AGBL1: variants seen among roughly 807,000 people sequenced by gnomAD.
AGBL1 encodes cytosolic carboxypeptidase 4.
AGBL1 carries 130 observed loss-of-function variants against 118.9 expected under a neutral mutation model. That is an observed-to-expected ratio of 1.09 (90% CI 0.95 to 1.26). The LOEUF (loss-of-function observed/expected upper bound fraction) is 1.26. Among genes scored for constraint, AGBL1 ranks in the 50% most tolerant of loss-of-function variants. The probability of loss-of-function intolerance (pLI) is 0.00; values close to 1 mark genes in which losing one functional copy is unlikely to be tolerated. For missense variants in AGBL1, 1,584 were observed against 1,298.1 expected (o/e 1.22, Z -3.38); for synonymous variants, 555 against 478.9 (o/e 1.16, Z -2.08).
chr15:86,403,399 A>G (rs922219669), intron 18 of AGBL1, among the ~76,000 whole-genome samples: 2 of 152,222 alleles, frequency 1.3e-5, no homozygotes, highest in Admixed American at 6.5e-5. Context: ...ATAAGTAAAT[A>G]CACCAAGGTA....
intron 9 of AGBL1, among the ~76,000 whole-genome samples, chr15:86,259,856 G>A (rs1190816719): frequency 6.6e-6 from 1 of 152,240 alleles, no homozygotes; most frequent in Non-Finnish European, 1.5e-5. Context: ...TCATGTATCT[G>A]ATGGGGAGGG....
intron 17 of AGBL1, among the ~76,000 whole-genome samples, chr15:86,315,762 C>G (rs1365749657): frequency 6.6e-6 from 1 of 150,496 alleles, no homozygotes; most frequent in African/African-American, 2.4e-5. Flanking sequence ...GTGCTAGGCA[C>G]ACAGTAGATG....
chr15:86,161,817 C>T (rs2077270043), intron 5 of AGBL1, among the ~76,000 whole-genome samples: 1 of 152,208 alleles, frequency 6.6e-6, no homozygotes, highest in South Asian at 2.1e-4. Context: ...AAGACCTGCT[C>T]TGTAAGCCTC....
chr15:86,205,224 G>T (rs2077972572), intron 5 of AGBL1, among the ~76,000 whole-genome samples: 1 of 152,094 alleles, frequency 6.6e-6, no homozygotes, highest in Non-Finnish European at 1.5e-5. Flanking sequence ...TTTCAGATTG[G>T]CTGCATTCAC....
intron 21 of AGBL1, among the ~76,000 whole-genome samples, chr15:86,635,740 A>G (rs1242241607): frequency 1.3e-5 from 2 of 152,230 alleles, no homozygotes; most frequent in Non-Finnish European, 2.9e-5. Context: ...GTGAATATTT[A>G]GAGTGACAAA....
chr15:86,238,958 A>C (rs1481337564), intron 6 of AGBL1, among the ~76,000 whole-genome samples: 1 of 152,102 alleles, frequency 6.6e-6, no homozygotes, highest in Non-Finnish European at 1.5e-5. Flanking sequence ...TCATAGGTGC[A>C]GCATTGCAAC....
At chr15:86,365,376 A>G (rs1469565843) in intron 17 of AGBL1, among the ~76,000 whole-genome samples, 1 of 152,126 alleles carries the variant, frequency 6.6e-6, no homozygotes, top group Non-Finnish European at 1.5e-5. Flanking sequence ...TTCTGATCCT[A>G]ACATTTTGGT....
rs1248146328 is a variant in AGBL1 at position 86,911,947 on chromosome 15, T to G, written c.*4653T>G. ...CCATTCACCATTGAATAGTGAGCTC[T>G]AAAGTGCACAAACCTGCTATTATCT... is the stretch of plus-strand genomic sequence containing the variant. On this transcript the variant is annotated 3_prime_UTR_variant, in exon 23 of 23. Coordinates refer to ENST00000614907, the MANE Select transcript of AGBL1 (RefSeq NM_001386094.1). 1 of 152,160 alleles carries G rather than the reference T, an allele frequency of 6.6e-6. No individual in the cohort carries two copies. Among genetic ancestry groups the G allele is most frequent in the Non-Finnish European group, 1.5e-5 (1 of 68,030 alleles). The allele number at this position is 152,160 out of a possible 1,614,324, so 9.4% of individuals were successfully genotyped here. A position where few individuals can be genotyped will look rare whatever the true frequency, so the allele number is the denominator to read the frequency against.
At chr15:86,265,053 C>A (rs1201347118) in intron 11 of AGBL1, among the ~76,000 whole-genome samples, 1 of 152,178 alleles carries the variant, frequency 6.6e-6, no homozygotes, top group Non-Finnish European at 1.5e-5. Context: ...CATGCATTTT[C>A]TGATGAAAAA....
At chr15:86,197,467 T>A (rs990563401) in intron 5 of AGBL1, among the ~76,000 whole-genome samples, 3 of 152,220 alleles carry the variant, frequency 2.0e-5, no homozygotes, top group African/African-American at 7.2e-5. Flanking sequence ...AAGTGGCAAA[T>A]AACTTGGGTG....
chr15:86,502,597 G>GT (rs35270382), intron 18 of AGBL1, among the ~76,000 whole-genome samples: 66,956 of 145,464 alleles, frequency 0.46, 15,442 homozygotes, highest in East Asian at 0.68. Flanking sequence ...TCCCTTCTTA[G>GT]TTTTTTTTTT....
intron 18 of AGBL1, among the ~76,000 whole-genome samples, chr15:86,437,447 T>G (rs186414949): frequency 6.6e-6 from 1 of 152,212 alleles, no homozygotes; most frequent in African/African-American, 2.4e-5. Flanking sequence ...ACCATCATTT[T>G]AAAAATCAGA....
intron 5 of AGBL1, among the ~76,000 whole-genome samples, chr15:86,219,907 A>G (rs914413195): frequency 2.7e-5 from 4 of 149,602 alleles, no homozygotes; most frequent in Middle Eastern, 3.6e-3. Context: ...CACTAGATTT[A>G]AATTCACCCA....
intron 22 of AGBL1, among the ~76,000 whole-genome samples, chr15:86,738,096 A>G (rs1329581994): frequency 1.3e-5 from 2 of 152,022 alleles, no homozygotes; most frequent in Non-Finnish European, 1.5e-5. Context: ...GTCTATTGAG[A>G]TAAAAATATG....
At position 86,092,857 on chromosome 15, in the gene AGBL1, C is replaced by T. The variant is rs141167528; in HGVS notation, c.51+12834C>T. 1.6e-4 allele frequency among the ~76,000 whole-genome samples: 25 copies of T among 152,218 alleles called. No homozygotes were observed. In the East Asian group the frequency reaches 4.4e-3, roughly 27 times the overall value. ...CACTCCCGAGATAATAAACCTACTC[C>T]TCCAATAATGGCATTAATTCCTTCA... On this transcript the variant is annotated intron_variant, in intron 1 of 22. Coordinates refer to ENST00000614907, the MANE Select transcript of AGBL1 (RefSeq NM_001386094.1).
intron 18 of AGBL1, among the ~76,000 whole-genome samples, chr15:86,458,631 C>A (rs116743753): frequency 0.03 from 4,565 of 152,216 alleles, 108 homozygotes; most frequent in Middle Eastern, 0.085. Context: ...AATTTTCTAA[C>A]ATATTTATCT....
intron 18 of AGBL1, among the ~76,000 whole-genome samples, chr15:86,423,797 A>G (rs2081826820): frequency 6.6e-6 from 1 of 152,216 alleles, no homozygotes; most frequent in Non-Finnish European, 1.5e-5. Flanking sequence ...TACAAAGATA[A>G]TAAAATACCT....
chr15:86,801,132 A>G (rs2078642929), intron 22 of AGBL1, among the ~76,000 whole-genome samples: 2 of 152,086 alleles, frequency 1.3e-5, no homozygotes, highest in Admixed American at 1.3e-4. Flanking sequence ...TACATTCACC[A>G]TCTTACAGCT....
chr15:86,121,406 C>G (rs1243810630), intron 1 of AGBL1, among the ~76,000 whole-genome samples: 1 of 152,032 alleles, frequency 6.6e-6, no homozygotes, highest in Non-Finnish European at 1.5e-5. Flanking sequence ...AGAGATTAGG[C>G]AAATATGTAA....
Sources: allele counts gnomAD v4.1 joint callset (sites outside exome capture counted in the v4.1 genomes callset), GRCh38; gene constraint gnomAD v4.1.1; transcripts MANE v1.5; gene names NCBI Gene and HGNC (gene_info 2026-07-23, HGNC 2026-07-21).